The following C11orf97 variants were observed in gnomAD, a reference collection of about 807,000 sequenced individuals.
The protein encoded by C11orf97 is chromosome 11 open reading frame 97, also known as uncharacterized protein C11orf97.
A neutral mutation model predicts 16.2 loss-of-function variants in C11orf97; 15 were observed. That is an observed-to-expected ratio of 0.93 (90% CI 0.62 to 1.43). C11orf97 has a LOEUF of 1.43. Ranked by LOEUF, C11orf97 falls within the 40% of genes most tolerant of loss-of-function variation. C11orf97 has a pLI of 0.00. For synonymous variants in C11orf97, 61 were observed against 65.7 expected (o/e 0.93, Z 0.34); for missense variants, 171 against 161.2 (o/e 1.06, Z -0.33).
At chr11:94,518,105 GC>G in intron 2 of C11orf97, among the ~76,000 whole-genome samples, 1 of 140,034 alleles carries the variant, frequency 7.1e-6, no homozygotes, top group Non-Finnish European at 1.5e-5. Context: ...CCAAGATCGC[GC>G]CACTGTACCC....
At chr11:94,522,879 G>C (rs1367754774) in intron 2 of C11orf97, among the ~76,000 whole-genome samples, 1 of 152,076 alleles carries the variant, frequency 6.6e-6, no homozygotes, top group Non-Finnish European at 1.5e-5. Context: ...TCTTGAGCAG[G>C]GATGGAGCAC....
chr11:94,527,972 A>G, intron 2 of C11orf97, 112 bp from the exon 3 acceptor site: 1 of 1,068,232 alleles, frequency 9.4e-7, no homozygotes, highest in Non-Finnish European at 1.3e-6. Context: ...GTCAAACCAA[A>G]TAAACCCCCA....
At chr11:94,520,368 G>C (rs554622399) in intron 2 of C11orf97, among the ~76,000 whole-genome samples, 9 of 152,158 alleles carry the variant, frequency 5.9e-5, no homozygotes, top group African/African-American at 2.2e-4. Context: ...TTCTTTGCTG[G>C]CTCTCCCTCC....
intron 3 of C11orf97, among the ~76,000 whole-genome samples, chr11:94,529,762 A>G (rs1025391536): frequency 7.2e-5 from 11 of 152,224 alleles, no homozygotes; most frequent in South Asian, 2.1e-4. Flanking sequence ...TGTTGCGGTT[A>G]AATAGGTACA....
chr11:94,528,918 G>C (rs566917), intron 3 of C11orf97, among the ~76,000 whole-genome samples: 62,300 of 151,834 alleles, frequency 0.41, 12,901 homozygotes, highest in Non-Finnish European at 0.43. Context: ...TTCAAGCTTG[G>C]GTACTCAACC....
At chr11:94,512,871 G>T (rs1257221774) in intron 1 of C11orf97, among the ~76,000 whole-genome samples, 198 bp downstream of exon 1, 1 of 152,112 alleles carries the variant, frequency 6.6e-6, no homozygotes, top group East Asian at 1.9e-4. Flanking sequence ...CCTCCTTCCC[G>T]ATAGCCTGCC....
At chr11:94,527,983 C>T (rs1423235894) in intron 2 of C11orf97, 101 bp from the exon 3 acceptor site, 3 of 1,171,748 alleles carry the variant, frequency 2.6e-6, no homozygotes, top group Admixed American at 3.1e-5. Flanking sequence ...TAAACCCCCA[C>T]CCAAATAAAT....
Position 94,512,608 on chromosome 11 carries a change from C to A in C11orf97, c.80C>A (p.Pro27Gln). 1 of 1,276,514 alleles carries A rather than the reference C, an allele frequency of 7.8e-7. No individual in the cohort carries two copies. Among genetic ancestry groups the A allele is most frequent in the Non-Finnish European group, 9.9e-7 (1 of 1,010,750 alleles). The allele number at this position is 1,276,514 out of a possible 1,614,324, so 79.1% of individuals were successfully genotyped here. A position where few individuals can be genotyped will look rare whatever the true frequency, so the allele number is the denominator to read the frequency against. Residue 27 changes from proline (P) to glutamine (Q), a missense_variant, in exon 1 of 4, where the codon CCA becomes CAA. Pro to Gln is a moderately conservative substitution (Grantham distance 76). Transcript: ENST00000542198. ...AGREEEQPPP[P>Q]AGLGCGARGE... ...CGCGAAGAGGAGCAGCCTCCTCCGC[C>A]AGCAGGGCTGGGGTGCGGGGCGCGC... is the stretch of plus-strand genomic sequence containing the variant.
chr11:94,515,743 C>A (rs1947606911), intron 1 of C11orf97, among the ~76,000 whole-genome samples: 1 of 151,886 alleles, frequency 6.6e-6, no homozygotes, highest in South Asian at 2.1e-4. Context: ...TCTGCCCCCT[C>A]TCCCCTCCTT....
chr11:94,527,791 T>C (rs7936320), intron 2 of C11orf97, among the ~76,000 whole-genome samples: 11,294 of 152,262 alleles, frequency 0.074, 1,433 homozygotes, highest in African/African-American at 0.26. Context: ...TATTAACTGT[T>C]ATTTCTGATC....
At chr11:94,516,924 C>A (rs1227146098) in intron 1 of C11orf97, among the ~76,000 whole-genome samples, 1 of 152,108 alleles carries the variant, frequency 6.6e-6, no homozygotes, top group Non-Finnish European at 1.5e-5. Context: ...TGGGTAGGCC[C>A]AATAGCACAG....
Position 94,528,215 on chromosome 11 carries a change from A to T in C11orf97, c.376+6A>T. 2 of 1,530,262 alleles carry T rather than the reference A, an allele frequency of 1.3e-6. No individual in the cohort carries two copies. The highest frequency in any genetic ancestry group is 1.7e-6 in the Non-Finnish European group (2 of 1,144,980). The allele number at this position is 1,530,262 out of a possible 1,614,324, so 94.8% of individuals were successfully genotyped here. ...CAGGCACGGAGGACTCAGAAGTAAGACCCTGATGCCCTTGACTTCCACTGA... is the reference window on the plus strand; with the variant it reads ...CAGGCACGGAGGACTCAGAAGTAAGTCCCTGATGCCCTTGACTTCCACTGA... On this transcript the variant is annotated splice_donor_region_variant and intron_variant, in intron 3 of 3. Transcript: ENST00000542198.
intron 2 of C11orf97, among the ~76,000 whole-genome samples, chr11:94,522,401 G>T (rs1161131007): frequency 6.6e-6 from 1 of 152,112 alleles, no homozygotes; most frequent in Non-Finnish European, 1.5e-5. Flanking sequence ...GCCGGGCGTG[G>T]TGGCGGGTGC....
intron 2 of C11orf97, among the ~76,000 whole-genome samples, chr11:94,519,806 C>T (rs1947643554): frequency 6.6e-6 from 1 of 152,224 alleles, no homozygotes; most frequent in South Asian, 2.1e-4. Context: ...TATATCATGG[C>T]TAGAAGCCAC....
At chr11:94,523,312 G>A (rs1249156568) in intron 2 of C11orf97, among the ~76,000 whole-genome samples, 3 of 152,150 alleles carry the variant, frequency 2.0e-5, no homozygotes, top group Non-Finnish European at 4.4e-5. Context: ...ATATATGCAT[G>A]GATCTAAGCA....
intron 1 of C11orf97, among the ~76,000 whole-genome samples, chr11:94,513,953 A>G (rs1445698323): frequency 6.6e-6 from 1 of 152,176 alleles, no homozygotes; most frequent in Non-Finnish European, 1.5e-5. Context: ...GATTACAGGC[A>G]CACACCACCA....
Position 94,517,632 on chromosome 11 carries a change from GGAA to G in C11orf97, c.202_204del (p.Glu68del). The G allele has an allele frequency of 1.3e-6, 2 of 1,532,628 alleles. No individual in the cohort carries two copies. Among genetic ancestry groups the G allele is most frequent in the Non-Finnish European group, 1.7e-6 (2 of 1,145,760 alleles). The allele number at this position is 1,532,628 out of a possible 1,614,324, so 94.9% of individuals were successfully genotyped here. A position where few individuals can be genotyped will look rare whatever the true frequency, so the allele number is the denominator to read the frequency against. ...CACATAAGAGAATTAAGGAAGTACT[GGAA>G]GAAGAACGTCATATTAAGAGAGATG... On this transcript the variant is annotated inframe_deletion, in exon 2 of 4. Coordinates refer to ENST00000542198, the MANE Select transcript of C11orf97 (RefSeq NM_001190462.2).
At chr11:94,528,335 T>C in intron 3 of C11orf97, 126 bp downstream of exon 3, 1 of 944,104 alleles carries the variant, frequency 1.1e-6, no homozygotes. Context: ...CTTGTTTCTC[T>C]TGGGTTGCTT....
At chr11:94,531,479 A>G (rs1422193365) in intron 3 of C11orf97, among the ~76,000 whole-genome samples, 1 of 150,948 alleles carries the variant, frequency 6.6e-6, no homozygotes, top group African/African-American at 2.4e-5. Flanking sequence ...GGTTGATGAC[A>G]AAAAACCTTT....
Sources: gnomAD v4.1 joint callset for allele counts (sites outside exome capture counted in the v4.1 genomes callset) on GRCh38, gnomAD v4.1.1 for gene constraint, MANE v1.5 for transcripts, NCBI Gene and HGNC (gene_info 2026-07-23, HGNC 2026-07-21) for gene names.